The following QSOX2 variants were observed in gnomAD, a reference collection of about 807,000 sequenced individuals.
QSOX2 encodes the protein quiescin sulfhydryl oxidase 2.
A neutral mutation model predicts 61.7 loss-of-function variants in QSOX2; 46 were observed. The ratio of observed to expected loss-of-function variants is 0.75; its 90% confidence interval spans 0.59 to 0.95. The LOEUF (loss-of-function observed/expected upper bound fraction) is 0.95, where lower values mean the gene tolerates loss of function less well. Ranked by LOEUF, QSOX2 falls within the 40% of genes least tolerant of loss-of-function variation. The probability of loss-of-function intolerance (pLI) is 0.00; values close to 1 mark genes in which losing one functional copy is unlikely to be tolerated. For synonymous variants in QSOX2, 383 were observed against 388.4 expected, an observed-to-expected ratio of 0.99 and a Z score of 0.16; for missense variants, 879 against 918.9, an observed-to-expected ratio of 0.96 and a Z score of 0.56.
At chr9:136,232,448 A>G (rs539426926) in intron 1 of QSOX2, among the ~76,000 whole-genome samples, 1 of 152,370 alleles carries the variant, frequency 6.6e-6, no homozygotes, top group East Asian at 1.9e-4. Flanking sequence ...CGGCCTAGAA[A>G]TATACAAAAA....
intron 1 of QSOX2, among the ~76,000 whole-genome samples, chr9:136,227,307 G>A (rs1051825687): frequency 1.2e-4 from 18 of 152,172 alleles, no homozygotes; most frequent in African/African-American, 3.1e-4. Context: ...TCACTCCAGC[G>A]AGTACTGGCA....
At chr9:136,241,582 G>A (rs1442858278) in intron 1 of QSOX2, among the ~76,000 whole-genome samples, 1 of 152,174 alleles carries the variant, frequency 6.6e-6, no homozygotes, top group Non-Finnish European at 1.5e-5. Flanking sequence ...GGAATGAACT[G>A]CCATGGCTCC....
chr9:136,218,263 T>G (rs1051333329), intron 8 of QSOX2, among the ~76,000 whole-genome samples: 1 of 152,122 alleles, frequency 6.6e-6, no homozygotes, highest in African/African-American at 2.4e-5. Context: ...ACCTGGCTGG[T>G]GGGGCAGATG....
chr9:136,209,878 G>A lies in QSOX2; in HGVS notation c.1550-603C>T, dbSNP rs990060625. On this transcript the variant is annotated intron_variant, in intron 11 of 11. Transcript: ENST00000358701. The surrounding 1 kb of genome is among the most constrained non-coding windows in gnomAD (Gnocchi z 5.6). ...CCAAAACTCGTTTCTGAAGTGACAT[G>A]TGCTCACTTCCAGGCCCAACAGGCA... 1.5e-5 allele frequency: 15 copies of A among 985,246 alleles called. No individual in the cohort carries two copies. Among genetic ancestry groups the A allele is most frequent in the Non-Finnish European group, 1.7e-5 (14 of 829,904 alleles). 61.0% of individuals were successfully genotyped at this position (985,246 alleles called of 1,614,324 possible).
intron 1 of QSOX2, among the ~76,000 whole-genome samples, chr9:136,238,120 C>T (rs1182939179): frequency 6.6e-6 from 1 of 152,224 alleles, no homozygotes; most frequent in African/African-American, 2.4e-5. Flanking sequence ...CAGGTCACAG[C>T]CCTTGGGCGA....
At chr9:136,210,908 T>C (rs1831835857) in intron 11 of QSOX2, 1 of 985,152 alleles carries the variant, frequency 1.0e-6, no homozygotes, top group African/African-American at 1.7e-5. Flanking sequence ...ACTACTAAAA[T>C]TCCTCATCAA....
intron 1 of QSOX2, among the ~76,000 whole-genome samples, chr9:136,241,668 G>A (rs548376348): frequency 7.0e-4 from 106 of 152,334 alleles, no homozygotes; most frequent in Non-Finnish European, 2.8e-4. Flanking sequence ...GCAACCTCAC[G>A]TGCTATCACC....
In QSOX2 at chr9:136,224,900, C is replaced by T. The variant is rs766432618; in HGVS notation, c.439G>A (p.Ala147Thr). The stretch of plus-strand genomic sequence containing the variant: ...CCAGTTGTAAACTCCTTTGTAAATG[C>T]TTTAAAATACTAAGAGGAAAAACAC... ...HFYPTFRYFKAFTKEFTTGEN... is the reference protein window; with the variant it reads ...HFYPTFRYFKTFTKEFTTGEN... Residue 147 changes from alanine to threonine, a missense_variant, in exon 3 of 12, where the codon GCA (alanine) becomes ACA (threonine). Coordinates refer to ENST00000358701, the MANE Select transcript of QSOX2 (RefSeq NM_181701.4). 1.9e-6 allele frequency: 3 copies of T among 1,604,608 alleles called. No individual in the cohort carries two copies. Among genetic ancestry groups the T allele is most frequent in the South Asian group, 2.2e-5 (2 of 89,740 alleles).
intron 1 of QSOX2, among the ~76,000 whole-genome samples, chr9:136,241,783 C>T (rs562442068): frequency 6.6e-6 from 1 of 152,344 alleles, no homozygotes; most frequent in South Asian, 2.1e-4. Context: ...TTCCCGCCCT[C>T]CTGAGGGCAG....
At chr9:136,225,060 C>A in intron 2 of QSOX2, 151 bp from the exon 3 acceptor site, 1 of 575,166 alleles carries the variant, frequency 1.7e-6, no homozygotes, top group Non-Finnish European at 3.0e-6. Flanking sequence ...CACGCTTCTC[C>A]TTGTCTTTGT....
chr9:136,238,334 C>T (rs1416082829), intron 1 of QSOX2, among the ~76,000 whole-genome samples: 1 of 152,234 alleles, frequency 6.6e-6, no homozygotes, highest in African/African-American at 2.4e-5. Flanking sequence ...TGCGTGCCCA[C>T]CTCCCTGCAC....
rs188751711 is a variant in QSOX2, at chr9:136,221,040, C to A, written c.821+756G>T. ...TCATTGGGCTTATCCGAGGGGCACA[C>A]AGGCACTCCACGCAGAGGCAAAGGG... On this transcript the variant is annotated intron_variant, in intron 6 of 11. Transcript: ENST00000358701. The surrounding 1 kb of genome is among the most constrained non-coding windows in gnomAD (Gnocchi z 4.5). 6.6e-6 allele frequency among the ~76,000 whole-genome samples: 1 copy of A among 152,214 alleles called. No homozygotes were observed. Among genetic ancestry groups the A allele is most frequent in the Non-Finnish European group, 1.5e-5 (1 of 68,034 alleles).
intron 3 of QSOX2, 52 bp downstream of exon 3, chr9:136,224,809 C>T: frequency 7.6e-7 from 1 of 1,310,478 alleles, no homozygotes; most frequent in Non-Finnish European, 1.1e-6. Context: ...GTGTCTTTAG[C>T]AGGTTTATGA....
At chr9:136,217,666 G>C (rs767730061) in intron 8 of QSOX2, among the ~76,000 whole-genome samples, 1 of 152,232 alleles carries the variant, frequency 6.6e-6, no homozygotes, top group African/African-American at 2.4e-5. Context: ...AGACTAAGGG[G>C]AAGACGGAGA....
rs1288578812 is a variant in QSOX2 at position 136,209,023 on chromosome 9, T to A, written c.1802A>T (p.His601Leu). Reference sequence around the variant, plus strand: ...GACGCTCTGGGTGTCTCGGTCTCCATGGGACACCTCTGGGGGAGTGAGTCT... The same window carrying A: ...GACGCTCTGGGTGTCTCGGTCTCCAAGGGACACCTCTGGGGGAGTGAGTCT... Reference protein sequence around the residue: ...EKRLTPPEVSHGDRDTQSVRP... With the variant: ...EKRLTPPEVSLGDRDTQSVRP... Residue 601 changes from histidine (H) to leucine (L), a missense_variant, in exon 12 of 12, where the codon CAT (histidine) becomes CTT (leucine). His to Leu is a moderately conservative substitution (Grantham distance 99). Transcript: ENST00000358701. The surrounding 1 kb of genome is among the most constrained non-coding windows in gnomAD (Gnocchi z 5.6). The A allele has an allele frequency of 6.2e-7, 1 of 1,614,032 alleles. No individual in the cohort carries two copies. The highest frequency in any genetic ancestry group is 8.5e-7 in the Non-Finnish European group (1 of 1,179,950).
At position 136,209,783 on chromosome 9, in the gene QSOX2, G is replaced by A. The variant is rs994256922; in HGVS notation, c.1550-508C>T. 1.8e-5 allele frequency: 18 copies of A among 985,054 alleles called. No homozygotes were observed. The East Asian group carries it at 5.7e-4, about 31-fold the overall frequency. The allele number at this position is 985,054 out of a possible 1,614,324, so 61.0% of individuals were successfully genotyped here. A position where few individuals can be genotyped will look rare whatever the true frequency, so the allele number is the denominator to read the frequency against. On this transcript the variant is annotated intron_variant, in intron 11 of 11. Transcript: ENST00000358701. The surrounding 1 kb of genome is among the most constrained non-coding windows in gnomAD (Gnocchi z 5.6). ...GTGCACCTTCAGGAAAGGGCAGAGG[G>A]GCAGCAATGAATTTCCACTGCACTT...
rs1269220191 is a variant in QSOX2, at chr9:136,237,032, TGTCCTGTGCCACACCTGGTGCCC to T, written c.328+8421_328+8443del. On this transcript the variant is annotated intron_variant, in intron 1 of 11. Transcript: ENST00000358701. ...TCCTGGGCCGGTGTCACCTGGAGCC[TGTCCTGTGCCACACCTGGTGCCC>T]GTCCTGTGCCACACCTGGTGCCCGT... Among the ~76,000 whole-genome samples the T allele has an allele frequency of 4.3e-4, 40 of 92,662 alleles. No individual in the cohort carries two copies. The South Asian group carries it at 6.9e-3, about 16-fold the overall frequency. The allele number at this position is 92,662 out of a possible 152,430, so 60.8% of individuals were successfully genotyped here. A position where few individuals can be genotyped will look rare whatever the true frequency, so the allele number is the denominator to read the frequency against.
intron 1 of QSOX2, among the ~76,000 whole-genome samples, chr9:136,231,893 A>G (rs1023361100): frequency 1.7e-4 from 8 of 46,576 alleles, no homozygotes; most frequent in Non-Finnish European, 3.8e-4. Context: ...CACCCCCTCC[A>G]CCCTCTCCAC....
chr9:136,229,211 G>C (rs946001204), intron 1 of QSOX2, among the ~76,000 whole-genome samples: 4 of 152,212 alleles, frequency 2.6e-5, no homozygotes, highest in African/African-American at 9.6e-5. Context: ...GAAGCGACAC[G>C]AGCTCTCTGC....
Sources: gnomAD v4.1 joint callset for allele counts (sites outside exome capture counted in the v4.1 genomes callset) on GRCh38, gnomAD v4.1.1 for gene constraint, Gnocchi (gnomAD v3.1) non-coding constraint, MANE v1.5 for transcripts, NCBI Gene and HGNC (gene_info 2026-07-23, HGNC 2026-07-21) for gene names.